Variants in CDYL2 observed in about 807,000 individuals in gnomAD.
CDYL2 encodes chromodomain Y like 2.
A neutral mutation model predicts 49.4 loss-of-function variants in CDYL2; 23 were observed. The ratio of observed to expected loss-of-function variants is 0.47; its 90% CI spans 0.34 to 0.66. CDYL2 has a LOEUF of 0.66. Ranked by LOEUF, CDYL2 falls within the 30% of genes least tolerant of loss-of-function variation. The pLI, the probability that CDYL2 is intolerant of heterozygous loss-of-function variation, is 0.01. For missense variants in CDYL2, 678 were observed against 656.4 expected (o/e 1.03, Z -0.36); for synonymous variants, 360 against 268.8 (o/e 1.34, Z -3.32).
chr16:80,687,325 G>C (rs1910235744), intron 1 of CDYL2, among the ~76,000 whole-genome samples: 1 of 152,196 alleles, frequency 6.6e-6, no homozygotes, highest in African/African-American at 2.4e-5. Context: ...CCAGGATGAA[G>C]TGGAGGACCA....
chr16:80,676,824 A>G (rs927890970), intron 2 of CDYL2, among the ~76,000 whole-genome samples: 1 of 152,140 alleles, frequency 6.6e-6, no homozygotes, highest in African/African-American at 2.4e-5. Flanking sequence ...TCATTTGGAT[A>G]AGGGAGGGGT....
intron 2 of CDYL2, among the ~76,000 whole-genome samples, chr16:80,651,624 T>C (rs1908586148): frequency 6.6e-6 from 1 of 152,172 alleles, no homozygotes; most frequent in Admixed American, 6.5e-5. Flanking sequence ...GGGCACAGGA[T>C]CTCAGGGTAG....
chr16:80,789,012 A>G (rs1431370335), intron 1 of CDYL2, among the ~76,000 whole-genome samples: 2 of 152,194 alleles, frequency 1.3e-5, no homozygotes, highest in African/African-American at 4.8e-5. Flanking sequence ...AAAAATATAT[A>G]TTAAAAAATG....
intron 2 of CDYL2, among the ~76,000 whole-genome samples, chr16:80,659,051 TGATG>T (rs57221086): frequency 0.14 from 21,510 of 149,842 alleles, 1,685 homozygotes; most frequent in Middle Eastern, 0.17. Context: ...ACGATAGAGG[TGATG>T]GATGGATGGA....
At chr16:80,646,585 T>C (rs1597146635) in intron 2 of CDYL2, among the ~76,000 whole-genome samples, 4 of 152,254 alleles carry the variant, frequency 2.6e-5, no homozygotes, top group Admixed American at 2.0e-4. Context: ...GGTCAGCTGA[T>C]CAAGACCATC....
chr16:80,759,102 C>CTACATATATATATA (rs1906422489), intron 1 of CDYL2, among the ~76,000 whole-genome samples: 1 of 63,388 alleles, frequency 1.6e-5, no homozygotes, highest in East Asian at 6.1e-4. Flanking sequence ...AAACCATATA[C>CTACATATATATATA]TATATATATA....
intron 1 of CDYL2, among the ~76,000 whole-genome samples, chr16:80,727,754 G>C (rs539047274): frequency 5.4e-4 from 83 of 152,334 alleles, no homozygotes; most frequent in African/African-American, 2.0e-3. Context: ...GGAGATCTGA[G>C]AATGGGCAGA....
intron 1 of CDYL2, among the ~76,000 whole-genome samples, chr16:80,755,428 A>C (rs1906277879): frequency 6.6e-6 from 1 of 152,148 alleles, no homozygotes; most frequent in Admixed American, 6.6e-5. Flanking sequence ...CTGCAGAGAG[A>C]CCTGACATCC....
intron 1 of CDYL2, among the ~76,000 whole-genome samples, chr16:80,724,801 C>T (rs777475495): frequency 3.9e-5 from 6 of 152,214 alleles, no homozygotes; most frequent in African/African-American, 7.2e-5. Flanking sequence ...GTCACCAAAC[C>T]TCTCACCCAG....
chr16:80,660,976 A>G (rs995508981), intron 2 of CDYL2, among the ~76,000 whole-genome samples: 2 of 152,192 alleles, frequency 1.3e-5, no homozygotes, highest in African/African-American at 4.8e-5. Flanking sequence ...CTGAGAGGGC[A>G]GGAAGTGGAG....
chr16:80,700,158 C>G (rs1048062495), intron 1 of CDYL2, among the ~76,000 whole-genome samples: 4 of 152,120 alleles, frequency 2.6e-5, no homozygotes, highest in African/African-American at 7.2e-5. Context: ...TGCGGCCAGC[C>G]AAAACAATTT....
chr16:80,796,617 A>C (rs1907775505), intron 1 of CDYL2, among the ~76,000 whole-genome samples: 1 of 152,164 alleles, frequency 6.6e-6, no homozygotes, highest in South Asian at 2.1e-4. Context: ...TCTTCTAAAC[A>C]TGTAGATCCA....
At chr16:80,738,180 T>TG (rs1465633319) in intron 1 of CDYL2, among the ~76,000 whole-genome samples, 1 of 152,202 alleles carries the variant, frequency 6.6e-6, no homozygotes, top group African/African-American at 2.4e-5. Flanking sequence ...TCCATGTCCC[T>TG]GCAAAGGACA....
chr16:80,767,453 G>C (rs1005346699), intron 1 of CDYL2, among the ~76,000 whole-genome samples: 2 of 152,110 alleles, frequency 1.3e-5, no homozygotes, highest in African/African-American at 4.8e-5. Context: ...ATTTATTCTG[G>C]CATGAGGCTT....
intron 1 of CDYL2, among the ~76,000 whole-genome samples, chr16:80,768,469 C>T (rs1391781543): frequency 4.6e-5 from 7 of 152,220 alleles, no homozygotes; most frequent in Admixed American, 3.9e-4. Flanking sequence ...GTTCTAGAGG[C>T]TGGGAAGTCC....
intron 2 of CDYL2, among the ~76,000 whole-genome samples, chr16:80,641,759 AG>A (rs1395410684): frequency 9.5e-4 from 67 of 70,256 alleles, no homozygotes; most frequent in African/African-American, 3.8e-3. Context: ...GGGTGGGGGG[AG>A]GGGGGAGGGA....
intron 3 of CDYL2, among the ~76,000 whole-genome samples, chr16:80,625,390 A>C (rs536217835): frequency 4.5e-4 from 68 of 152,286 alleles, no homozygotes; most frequent in African/African-American, 1.6e-3. Context: ...ATCTACATTT[A>C]AAGACCCTTG....
chr16:80,672,384 T>C (rs1909553699), intron 2 of CDYL2, among the ~76,000 whole-genome samples: 1 of 148,198 alleles, frequency 6.7e-6, no homozygotes, highest in Non-Finnish European at 1.5e-5. Flanking sequence ...TAGAACAGGC[T>C]TTCCCTTTGT....
At chr16:80,802,730 G>A (rs927692613) in intron 1 of CDYL2, among the ~76,000 whole-genome samples, 4 of 152,278 alleles carry the variant, frequency 2.6e-5, no homozygotes, top group East Asian at 1.9e-4. Flanking sequence ...GGTCACACAG[G>A]AGACCTGTGC....
Sources: gnomAD v4.1 joint callset for allele counts (sites outside exome capture counted in the v4.1 genomes callset) on GRCh38, gnomAD v4.1.1 for gene constraint, MANE v1.5 for transcripts, NCBI Gene and HGNC (gene_info 2026-07-23, HGNC 2026-07-21) for gene names.